Variants in GRPR observed in about 807,000 individuals in gnomAD.
GRPR encodes gastrin-releasing peptide receptor.
Under a neutral mutation model 15.6 loss-of-function variants are expected in GRPR, and 4 were observed. The ratio of observed to expected loss-of-function variants is 0.26; its 90% CI spans 0.13 to 0.59. The LOEUF is 0.59. GRPR is among the 20% of genes least tolerant of loss of function. The pLI is 0.90. For synonymous variants in GRPR, 128 were observed against 126.8 expected (o/e 1.01, Z -0.06); for missense variants, 270 against 304.1 (o/e 0.89, Z 0.83).
rs192252725 is a variant in GRPR, at chrX:16,123,996, C to T, written c.43C>T (p.His15Tyr). The T allele has an allele frequency of 1.5e-5, 18 of 1,205,511 alleles. No homozygotes were observed. The South Asian group carries it at 1.6e-4, about 11-fold the overall frequency. Residue 15 changes from histidine (H) to tyrosine (Y), a missense_variant, in exon 1 of 3, where the codon CAT becomes TAT. By Grantham distance (83) the His-to-Tyr change is moderately conservative. This residue lies in a region of GRPR where 115 missense variants were observed against 128.8 expected (regional missense o/e 0.89). Coordinates refer to ENST00000380289, the MANE Select transcript of GRPR (RefSeq NM_005314.3). ...DCFLLNLEVD[H>Y]FMHCNISSHS... ...TTTCCTTCTGAACTTGGAGGTGGAC[C>T]ATTTCATGCACTGCAACATCTCCAG... is the stretch of plus-strand genomic sequence containing the variant.
chrX:16,127,656 A>AGACAT (rs1385385452), intron 1 of GRPR, among the ~76,000 whole-genome samples: 5 of 111,922 alleles, frequency 4.5e-5, no homozygotes, highest in African/African-American at 1.6e-4. Context: ...CCTGCATTTT[A>AGACAT]GACATTTTCC....
At chrX:16,140,067 T>G (rs1922509485) in intron 1 of GRPR, among the ~76,000 whole-genome samples, 1 of 111,863 alleles carries the variant, frequency 8.9e-6, no homozygotes, top group South Asian at 3.8e-4. Context: ...AGTCCCTCTC[T>G]CCCCGTCTTG....
At chrX:16,131,908 T>G (rs1414928507) in intron 1 of GRPR, among the ~76,000 whole-genome samples, 1 of 112,359 alleles carries the variant, frequency 8.9e-6, no homozygotes, top group Non-Finnish European at 1.9e-5. Flanking sequence ...ATATATGTCT[T>G]CATTTCTTTT....
chrX:16,127,015 G>T (rs1922303240), intron 1 of GRPR, among the ~76,000 whole-genome samples: 1 of 111,561 alleles, frequency 9.0e-6, no homozygotes, highest in Non-Finnish European at 1.9e-5. Flanking sequence ...CAGTTTTCAA[G>T]GTGGTAGTCT....
At chrX:16,147,278 C>A (rs1239629869) in intron 1 of GRPR, among the ~76,000 whole-genome samples, 1 of 111,694 alleles carries the variant, frequency 9.0e-6, no homozygotes, top group Non-Finnish European at 1.9e-5. Context: ...TTATCACACT[C>A]AATACATTAA....
chrX:16,136,674 C>T (rs915351190), intron 1 of GRPR, among the ~76,000 whole-genome samples: 9 of 111,841 alleles, frequency 8.0e-5, no homozygotes, highest in African/African-American at 2.9e-4. Flanking sequence ...ACAACAGAAA[C>T]GGTAAAACTT....
Position 16,152,415 on chromosome X carries a change from C to T in GRPR, c.925C>T (p.Leu309Phe), listed in dbSNP as rs1460143298. ...LHFVTSICARLLAFTNSCVNP... is the reference protein window; with the variant it reads ...LHFVTSICARFLAFTNSCVNP... ...CTTTGTCACCAGCATCTGTGCCCGC[C>T]TCCTGGCCTTCACCAACTCCTGCGT... Residue 309 changes from leucine to phenylalanine, a missense_variant, in exon 3 of 3, where the codon CTC becomes TTC. This residue lies in a region of GRPR where 133 missense variants were observed against 123.4 expected (regional missense o/e 1.08). Coordinates refer to ENST00000380289, the MANE Select transcript of GRPR (RefSeq NM_005314.3). 1 of 1,209,089 alleles carries T rather than the reference C, an allele frequency of 8.3e-7. No individual in the cohort carries two copies. The highest frequency in any genetic ancestry group is 1.1e-6 in the Non-Finnish European group (1 of 894,399).
intron 1 of GRPR, among the ~76,000 whole-genome samples, chrX:16,134,689 C>A (rs868467742): frequency 9.9e-5 from 11 of 110,871 alleles, no homozygotes; most frequent in Non-Finnish European, 1.5e-4. Flanking sequence ...CCTTGGTGGG[C>A]CCTGGACTCT....
At chrX:16,131,736 G>A (rs987742331) in intron 1 of GRPR, among the ~76,000 whole-genome samples, 5 of 111,703 alleles carry the variant, frequency 4.5e-5, no homozygotes, top group African/African-American at 9.8e-5. Context: ...CTTTTTGCAC[G>A]TATCAGTAAT....
At position 16,153,177 on chromosome X, in the gene GRPR, A is replaced by G. The variant is rs756029534; in HGVS notation, c.*532A>G. 8.5e-6 allele frequency: 1 copy of G among 117,589 alleles called. No individual in the cohort carries two copies. The highest frequency in any genetic ancestry group is 1.8e-5 in the Non-Finnish European group (1 of 55,942). The allele number at this position is 117,589 out of a possible 1,213,427, so 9.7% of individuals were successfully genotyped here. ...AAAGTCAATCCTGTGAGAGAGCTCC[A>G]TGTATGAGGGACACTCTCCAAGTTG... On this transcript the variant is annotated 3_prime_UTR_variant, in exon 3 of 3. Coordinates refer to ENST00000380289, the MANE Select transcript of GRPR (RefSeq NM_005314.3).
intron 1 of GRPR, among the ~76,000 whole-genome samples, chrX:16,136,505 T>C (rs771667911): frequency 1.2e-4 from 13 of 111,917 alleles, no homozygotes; most frequent in Non-Finnish European, 2.4e-4. Flanking sequence ...TCCTGAGCGA[T>C]GAGTGCTTAG....
Position 16,153,321 on chromosome X carries a change from A to G in GRPR, c.*676A>G, listed in dbSNP as rs1922748709. ...ATACATACTTTGAAAGCAAAAATAC[A>G]ATCAAACACATTGACACGTATATAA... On this transcript the variant is annotated 3_prime_UTR_variant, in exon 3 of 3. Transcript: ENST00000380289. 1 of 112,833 alleles carries G rather than the reference A, an allele frequency of 8.9e-6. No homozygotes were observed. The highest frequency in any genetic ancestry group is 9.3e-5 in the Admixed American group (1 of 10,734). 9.3% of individuals were successfully genotyped at this position (112,833 alleles called of 1,213,427 possible).
intron 1 of GRPR, among the ~76,000 whole-genome samples, chrX:16,127,077 A>G (rs1922303999): frequency 9.0e-6 from 1 of 111,609 alleles, no homozygotes; most frequent in Non-Finnish European, 1.9e-5. Flanking sequence ...CCTCCAAACC[A>G]GATGATCACC....
intron 1 of GRPR, among the ~76,000 whole-genome samples, chrX:16,148,028 T>C (rs771059607): frequency 2.6e-4 from 29 of 111,981 alleles, no homozygotes; most frequent in Non-Finnish European, 4.9e-4. Context: ...CAAAAGAAAA[T>C]AGAACTTTAT....
chrX:16,124,301 C>T lies in GRPR; in HGVS notation c.348C>T (p.Ile116=). Residue 116 remains isoleucine (I), a synonymous_variant, in exon 1 of 3, where the codon ATC becomes ATT. Coordinates refer to ENST00000380289, the MANE Select transcript of GRPR (RefSeq NM_005314.3). ...TTGGCAGGATTGGCTGCAAACTGAT[C>T]CCCTTTATACAGCTTACCTCTGTTG... ...WLFGRIGCKL[I]PFIQLTSVGV... 1 of 1,210,217 alleles carries T rather than the reference C, an allele frequency of 8.3e-7. No homozygotes were observed. Among genetic ancestry groups the T allele is most frequent in the South Asian group, 1.8e-5 (1 of 56,937 alleles).
intron 1 of GRPR, among the ~76,000 whole-genome samples, chrX:16,133,064 G>A (rs1169324969): frequency 9.0e-6 from 1 of 111,535 alleles, no homozygotes; most frequent in African/African-American, 3.2e-5. Context: ...CCATCTTATT[G>A]TTTGATTTCC....
At chrX:16,149,370 A>T (rs1000654747) in intron 1 of GRPR, among the ~76,000 whole-genome samples, 1 of 110,746 alleles carries the variant, frequency 9.0e-6, no homozygotes, top group African/African-American at 3.3e-5. Flanking sequence ...TTCTTACTTC[A>T]TCTCAGTGTC....
At chrX:16,150,209 T>C (rs745997764) in intron 1 of GRPR, 96 bp from the exon 2 acceptor site, 10 of 619,725 alleles carry the variant, frequency 1.6e-5, no homozygotes, top group Non-Finnish European at 2.7e-5. Context: ...CCTTAAATAT[T>C]GTACGCCAGG....
intron 2 of GRPR, 46 bp downstream of exon 2, chrX:16,150,702 C>A: frequency 1.3e-6 from 1 of 785,765 alleles, no homozygotes; most frequent in South Asian, 2.1e-5. Context: ...GATATAATCC[C>A]TTGCATTTCT....
Sources: allele counts gnomAD v4.1 joint callset (sites outside exome capture counted in the v4.1 genomes callset), GRCh38; gene constraint gnomAD v4.1.1; regional missense constraint gnomAD v4.1.1; transcripts MANE v1.5; gene names NCBI Gene and HGNC (gene_info 2026-07-23, HGNC 2026-07-21).